C17orf67: variants seen among roughly 807,000 people sequenced by gnomAD.
The protein encoded by C17orf67 is chromosome 17 open reading frame 67.
In C17orf67, 12 loss-of-function variants were observed where a neutral mutation model predicts 11.2. The ratio of observed to expected loss-of-function variants is 1.07; its 90% CI spans 0.68 to 1.73. C17orf67 has a LOEUF of 1.73. Among genes scored for constraint, C17orf67 ranks in the 40% most tolerant of loss-of-function variants. The pLI is 0.00. For synonymous variants in C17orf67, 59 were observed against 46.9 expected, an observed-to-expected ratio of 1.26 and a Z score of -1.05; for missense variants, 115 against 113.5, an observed-to-expected ratio of 1.01 and a Z score of -0.06.
intron 2 of C17orf67, among the ~76,000 whole-genome samples, chr17:56,827,402 AG>A (rs773411850): frequency 2.0e-5 from 3 of 152,246 alleles, no homozygotes; most frequent in Non-Finnish European, 4.4e-5. Flanking sequence ...TACTAGGCAG[AG>A]CCCTGTGGCA....
chr17:56,815,463 T>C (rs1489536027), intron 5 of C17orf67, among the ~76,000 whole-genome samples: 2 of 152,300 alleles, frequency 1.3e-5, no homozygotes, highest in Non-Finnish European at 2.9e-5. Flanking sequence ...CATAAAAATA[T>C]ATCAAATTTT....
chr17:56,817,681 G>A (rs966843272), intron 4 of C17orf67, among the ~76,000 whole-genome samples: 16 of 147,192 alleles, frequency 1.1e-4, no homozygotes, highest in South Asian at 2.2e-4. Flanking sequence ...TCTCAAACTC[G>A]CAGGCTCAAG....
At chr17:56,828,405 T>C (rs1268382100) in intron 2 of C17orf67, among the ~76,000 whole-genome samples, 1 of 150,830 alleles carries the variant, frequency 6.6e-6, no homozygotes, top group Non-Finnish European at 1.5e-5. Flanking sequence ...AACTCTTGTC[T>C]CAAAAAAAAA....
At chr17:56,819,665 G>T (rs1015989643) in intron 4 of C17orf67, among the ~76,000 whole-genome samples, 1 of 152,106 alleles carries the variant, frequency 6.6e-6, no homozygotes, top group Non-Finnish European at 1.5e-5. Context: ...TGTCCTAAAA[G>T]AAGCGAGAGG....
At chr17:56,793,159 C>T (rs1276253674) in intron 7 of C17orf67, among the ~76,000 whole-genome samples, 1 of 151,654 alleles carries the variant, frequency 6.6e-6, no homozygotes, top group Non-Finnish European at 1.5e-5. Context: ...TAACTATTTT[C>T]CAGGCATTGA....
At chr17:56,796,990 T>C (rs1412380611) in intron 6 of C17orf67, among the ~76,000 whole-genome samples, 2 of 152,110 alleles carry the variant, frequency 1.3e-5, no homozygotes, top group Non-Finnish European at 1.5e-5. Context: ...GATAATGTAC[T>C]TGCAAGCCAG....
chr17:56,798,177 T>C (rs951961744), intron 6 of C17orf67, among the ~76,000 whole-genome samples: 3 of 152,184 alleles, frequency 2.0e-5, no homozygotes, highest in Non-Finnish European at 1.5e-5. Context: ...GAATCCCTTC[T>C]ACCCAGCCCG....
chr17:56,797,166 G>A (rs879920772), intron 6 of C17orf67, among the ~76,000 whole-genome samples: 5 of 152,198 alleles, frequency 3.3e-5, no homozygotes, highest in African/African-American at 7.2e-5. Context: ...TGCCTGAAGA[G>A]ACTTTAATGA....
Position 56,811,960 on chromosome 17 carries a change from G to A in C17orf67, c.156+2909C>T, listed in dbSNP as rs1056369378. Among the ~76,000 whole-genome samples the A allele has an allele frequency of 2.0e-5, 3 of 152,194 alleles. No individual in the cohort carries two copies. The East Asian group carries it at 5.8e-4, about 29-fold the overall frequency. On this transcript the variant is annotated intron_variant, in intron 6 of 7. Coordinates refer to ENST00000397861, the MANE Select transcript of C17orf67 (RefSeq NM_001085430.4). ...CTCGGCTGCAGGTTGGCATCACTGG[G>A]GCTTTGGCCCCATCCCCCATACCCA...
At chr17:56,810,166 C>T (rs570540630) in intron 6 of C17orf67, among the ~76,000 whole-genome samples, 1 of 140,412 alleles carries the variant, frequency 7.1e-6, no homozygotes, top group Non-Finnish European at 1.5e-5. Context: ...ACCCCCACCT[C>T]ACACACACTC....
chr17:56,806,414 C>G (rs1206737288), intron 6 of C17orf67, among the ~76,000 whole-genome samples: 1 of 152,158 alleles, frequency 6.6e-6, no homozygotes, highest in Non-Finnish European at 1.5e-5. Context: ...CACCTTTAAT[C>G]CTAGTCTCCT....
intron 4 of C17orf67, among the ~76,000 whole-genome samples, chr17:56,823,480 G>A (rs1423654312): frequency 6.6e-6 from 1 of 152,122 alleles, no homozygotes; most frequent in Non-Finnish European, 1.5e-5. Flanking sequence ...TCCTCTAAGA[G>A]ACCAAAGTTT....
At chr17:56,813,336 A>G (rs1905677757) in intron 6 of C17orf67, among the ~76,000 whole-genome samples, 2 of 140,840 alleles carry the variant, frequency 1.4e-5, no homozygotes, top group African/African-American at 5.4e-5. Context: ...TTGCTCTGCC[A>G]CCCCCACTCT....
chr17:56,831,123 T>C lies in C17orf67; in HGVS notation c.-557+1775A>G, dbSNP rs151031220. Among the ~76,000 whole-genome samples the C allele has an allele frequency of 4.8e-3, 729 of 151,584 alleles. 3 individuals are homozygous for C. Among genetic ancestry groups the C allele is most frequent in the African/African-American group, 0.017 (686 of 41,276 alleles). ...GTTCAGAGGCAGCCTGCAGGGAACATAGTAAAGCAGGAAGACCAGGTGGGA... is the reference window on the plus strand; with the variant it reads ...GTTCAGAGGCAGCCTGCAGGGAACACAGTAAAGCAGGAAGACCAGGTGGGA... On this transcript the variant is annotated intron_variant, in intron 2 of 7. Coordinates refer to ENST00000397861, the MANE Select transcript of C17orf67 (RefSeq NM_001085430.4).
intron 7 of C17orf67, among the ~76,000 whole-genome samples, chr17:56,793,118 T>C (rs904451009): frequency 4.6e-5 from 7 of 152,026 alleles, no homozygotes; most frequent in Non-Finnish European, 1.0e-4. Flanking sequence ...TATCATTTTC[T>C]GAGCACTTCC....
intron 6 of C17orf67, among the ~76,000 whole-genome samples, chr17:56,799,610 T>A (rs1394462458): frequency 6.6e-6 from 1 of 152,202 alleles, no homozygotes. Context: ...GATTATTGAA[T>A]CGTATGTTAA....
intron 4 of C17orf67, among the ~76,000 whole-genome samples, chr17:56,819,181 C>A (rs73994913): frequency 6.1e-4 from 93 of 152,284 alleles, no homozygotes; most frequent in African/African-American, 2.2e-3. Context: ...CTGCTCACTG[C>A]CATCTGGCCA....
intron 6 of C17orf67, among the ~76,000 whole-genome samples, chr17:56,809,828 TCA>T (rs1491466949): frequency 2.3e-4 from 18 of 78,718 alleles, no homozygotes; most frequent in African/African-American, 7.6e-4. Context: ...CCTCACACAC[TCA>T]CACACCCCTT....
chr17:56,814,399 AAGGCCAG>A (rs1167677672), intron 6 of C17orf67, among the ~76,000 whole-genome samples: 8 of 152,304 alleles, frequency 5.3e-5, no homozygotes, highest in South Asian at 2.1e-4. Flanking sequence ...GGGCAGAAGT[AAGGCCAG>A]AGACCAAAAT....
Sources: gnomAD v4.1 joint callset for allele counts (sites outside exome capture counted in the v4.1 genomes callset) on GRCh38, gnomAD v4.1.1 for gene constraint, MANE v1.5 for transcripts, NCBI Gene and HGNC (gene_info 2026-07-23, HGNC 2026-07-21) for gene names.